The following MGAM variants were observed in gnomAD, a reference collection of about 807,000 sequenced individuals.
The protein encoded by MGAM is alpha-1,4-glucosidase.
In MGAM, 253 loss-of-function variants were observed where a neutral mutation model predicts 358.8. The ratio of observed to expected loss-of-function variants is 0.71; its 90% CI spans 0.64 to 0.78. The LOEUF (loss-of-function observed/expected upper bound fraction) is 0.78. Ranked by LOEUF, MGAM falls within the 30% of genes least tolerant of loss-of-function variation. The probability of loss-of-function intolerance (pLI) is 0.00; values close to 1 mark genes in which losing one functional copy is unlikely to be tolerated. For missense variants in MGAM, 3,080 were observed against 3,432.6 expected, an observed-to-expected ratio of 0.90 and a Z score of 2.57; for synonymous variants, 1,105 against 1,227.1, an observed-to-expected ratio of 0.90 and a Z score of 2.08.
rs757022127 is a variant in MGAM, at chr7:142,040,864, T to A, written c.2498+18T>A. On this transcript the variant is annotated intron_variant, in intron 21 of 70. Coordinates refer to ENST00000475668, the MANE Select transcript of MGAM (RefSeq NM_001365693.1). ...CTGGCCAGGTATAGCATGGCTGGAG[T>A]GTCCTTTCAGAATTCATGTCCTTGC... The A allele has an allele frequency of 2.3e-5, 36 of 1,586,034 alleles. No homozygotes were observed. In the South Asian group the frequency reaches 3.9e-4, roughly 17 times the overall value.
intron 2 of MGAM, among the ~76,000 whole-genome samples, chr7:142,006,666 C>T (rs890448200): frequency 1.3e-5 from 2 of 152,182 alleles, no homozygotes; most frequent in Non-Finnish European, 1.5e-5. Flanking sequence ...ATCTTGATCC[C>T]CACTTGTTTA....
chr7:142,086,116 G>T lies in MGAM; in HGVS notation c.6637-102G>T. ...GGACTCACAGAAACTCTACAGTTCA[G>T]GTAGAAGCCAACAAGTTCGCCCTGG... On this transcript the variant is annotated intron_variant, in intron 55 of 70. Coordinates refer to ENST00000475668, the MANE Select transcript of MGAM (RefSeq NM_001365693.1). The T allele has an allele frequency of 1.4e-6, 2 of 1,428,860 alleles. 1 individual carries two copies. Among genetic ancestry groups the T allele is most frequent in the Non-Finnish European group, 1.9e-6 (2 of 1,044,718 alleles). The allele number at this position is 1,428,860 out of a possible 1,614,324, so 88.5% of individuals were successfully genotyped here. A position where few individuals can be genotyped will look rare whatever the true frequency, so the allele number is the denominator to read the frequency against.
chr7:142,051,252 T>C (rs73153964), intron 24 of MGAM, among the ~76,000 whole-genome samples: 6,994 of 152,108 alleles, frequency 0.046, 400 homozygotes, highest in East Asian at 0.31. Flanking sequence ...GATAGGAAAC[T>C]TGTGGTCAGG....
rs201859670 is a variant in MGAM at position 141,988,445 on chromosome 7, GTC to G, written c.-2-17080_-2-17079del. On this transcript the variant is annotated intron_variant, in intron 2 of 5. Coordinates refer to the MGAM transcript ENST00000465654. The stretch of plus-strand genomic sequence containing the variant: ...AGTGGCGCAATCTGGGCTCACTGCA[GTC>G]TCTGTTTCCCAAGTTCAAGCGATTC... 1.8e-4 allele frequency among the ~76,000 whole-genome samples: 27 copies of G among 152,070 alleles called. No homozygotes were observed. The East Asian group carries it at 3.9e-3, about 22-fold the overall frequency.
rs868695180 is a variant in MGAM, at chr7:142,089,409, G to A, written c.6811-2504G>A. On this transcript the variant is annotated intron_variant, in intron 57 of 70. Coordinates refer to ENST00000475668, the MANE Select transcript of MGAM (RefSeq NM_001365693.1). ...CCCCTGATGAGAAACACTTCATTAG[G>A]GAGTCACAGAATCTGTTAGCTCATA... Among the ~76,000 whole-genome samples, 3 of 146,608 alleles carry A rather than the reference G, an allele frequency of 2.0e-5. 1 individual carries two copies. Among genetic ancestry groups the A allele is most frequent in the Admixed American group, 6.8e-5 (1 of 14,630 alleles).
chr7:142,081,958 G>A, intron 50 of MGAM, 84 bp from the exon 51 acceptor site: 2 of 1,337,108 alleles, frequency 1.5e-6, no homozygotes, highest in South Asian at 1.2e-5. Flanking sequence ...GGAATCAAGT[G>A]TTCTGTTGTC....
rs1230900153 is a variant in MGAM, at chr7:142,023,284, A to C, written c.882+845A>C. Among the ~76,000 whole-genome samples the C allele has an allele frequency of 3.3e-5, 5 of 151,944 alleles. No homozygotes were observed. The East Asian group carries it at 9.7e-4, about 29-fold the overall frequency. On this transcript the variant is annotated intron_variant, in intron 7 of 70. Coordinates refer to ENST00000475668, the MANE Select transcript of MGAM (RefSeq NM_001365693.1). ...TCGCCATGTTGTTCAGGCTGATCTCAAACTCCTGGACTCAAGCAATCCTCT... is the reference window on the plus strand; with the variant it reads ...TCGCCATGTTGTTCAGGCTGATCTCCAACTCCTGGACTCAAGCAATCCTCT...
chr7:142,073,892 G>T (rs1813535094), intron 44 of MGAM, among the ~76,000 whole-genome samples, 193 bp from the exon 45 acceptor site: 1 of 145,868 alleles, frequency 6.9e-6, no homozygotes, highest in South Asian at 2.2e-4. Context: ...TAATGTTTGG[G>T]GTGTTTCTAT....
Position 142,072,203 on chromosome 7 carries a change from G to T in MGAM, c.5186+1085G>T, listed in dbSNP as rs906448431. Among the ~76,000 whole-genome samples the T allele has an allele frequency of 2.3e-4, 33 of 145,512 alleles. 8 individuals carry two copies. The highest frequency in any genetic ancestry group is 4.0e-4 in the Non-Finnish European group (26 of 64,300). ...GGTATTCAAAACCAATCACAACCTG[G>T]TTCCACGTTACCTTAACAACTCTTA... On this transcript the variant is annotated intron_variant, in intron 44 of 70. Transcript: ENST00000475668.
intron 18 of MGAM, 105 bp downstream of exon 18, chr7:142,037,082 A>C (rs1405524608): frequency 1.7e-6 from 2 of 1,163,768 alleles, no homozygotes; most frequent in Non-Finnish European, 2.5e-6. Flanking sequence ...GCAGTTATTC[A>C]TATCTATCTG....
At position 142,045,890 on chromosome 7, in the gene MGAM, A is replaced by G. The variant is rs1305750627; in HGVS notation, c.2499-1895A>G. 2.7e-5 allele frequency among the ~76,000 whole-genome samples: 3 copies of G among 112,048 alleles called. 1 individual carries two copies. The highest frequency in any genetic ancestry group is 5.1e-5 in the Non-Finnish European group (3 of 59,370). 73.5% of individuals were successfully genotyped at this position (112,048 alleles called of 152,430 possible). A position where few individuals can be genotyped will look rare whatever the true frequency, so the allele number is the denominator to read the frequency against. On this transcript the variant is annotated intron_variant, in intron 21 of 70. Transcript: ENST00000475668. ...TATACATACAATATGTAATATATATATTATGTATACATACAATATGTAATA... is the reference window on the plus strand; with the variant it reads ...TATACATACAATATGTAATATATATGTTATGTATACATACAATATGTAATA...
chr7:141,999,903 A>AG (rs1273512475), intron 1 of MGAM, among the ~76,000 whole-genome samples: 1 of 150,178 alleles, frequency 6.7e-6, no homozygotes, highest in African/African-American at 2.5e-5. Context: ...ATAATGCTGG[A>AG]GTTTTTTTTA....
rs6955801 is a variant in MGAM, at chr7:142,092,592, C to T, written c.7017C>T (p.His2339=). 3.3e-3 allele frequency: 5,122 copies of T among 1,542,140 alleles called. 320 individuals carry two copies. The African/African-American group carries it at 0.058, about 17-fold the overall frequency. The change falls in exon 59 of 71, where the codon CAC becomes CAT. Residue 2339 remains histidine (H), a synonymous_variant. Coordinates refer to ENST00000475668, the MANE Select transcript of MGAM (RefSeq NM_001365693.1). ...SPGCRDASLN[H]PPYMPYLESR... ...GCTGCAGGGATGCCTCTCTGAACCA[C>T]CCTCCCTACATGCCGTGTAAGAATC... is the stretch of plus-strand genomic sequence containing the variant.
Position 142,099,619 on chromosome 7 carries a change from G to A in MGAM, c.7756G>A (p.Asp2586Asn). 2.5e-6 allele frequency: 4 copies of A among 1,613,838 alleles called. No individual in the cohort carries two copies. Among genetic ancestry groups the A allele is most frequent in the Middle Eastern group, 1.6e-4 (1 of 6,062 alleles). Residue 2586 changes from aspartate (D) to asparagine (N), a missense_variant, in exon 67 of 71, where the codon GAT becomes AAT. By Grantham distance (23) the Asp-to-Asn change is conservative. Coordinates refer to ENST00000475668, the MANE Select transcript of MGAM (RefSeq NM_001365693.1). ...TACCTTCTTCTGCCTCCAGGGTGTG[G>A]ATATTAATGCAAGAGGAGAGTGGAA... The part of the protein sequence containing the change: ...ARWYDYYTGV[D>N]INARGEWKTL...
At chr7:142,018,508 G>T (rs1484942114) in intron 3 of MGAM, among the ~76,000 whole-genome samples, 2 of 152,228 alleles carry the variant, frequency 1.3e-5, no homozygotes, top group Non-Finnish European at 2.9e-5. Context: ...ATGCACTCAA[G>T]AGGAGAGAGT....
chr7:142,010,740 T>C (rs542838706), intron 3 of MGAM, among the ~76,000 whole-genome samples: 1 of 152,256 alleles, frequency 6.6e-6, no homozygotes, highest in East Asian at 1.9e-4. Flanking sequence ...TTGAGCCAAG[T>C]TCAAACACTG....
At chr7:142,012,121 G>T (rs1805647889) in intron 3 of MGAM, among the ~76,000 whole-genome samples, 1 of 152,138 alleles carries the variant, frequency 6.6e-6, no homozygotes, top group Non-Finnish European at 1.5e-5. Flanking sequence ...TCTATTTGAA[G>T]ATGGGATACT....
rs2272330 is a variant in MGAM at position 142,027,726 on chromosome 7, G to T, written c.1212G>T (p.Gln404His). The T allele has an allele frequency of 0.021, 33,055 of 1,606,434 alleles. 1,308 individuals are homozygous for T. Among genetic ancestry groups the T allele is most frequent in the East Asian group, 0.14 (6,120 of 44,656 alleles). ...REVVERNRAAQLPYDVQHADI... is the reference protein window; with the variant it reads ...REVVERNRAAHLPYDVQHADI... ...TCGTGGAGAGAAATCGCGCAGCACA[G>T]CTCCCTTATGTAAGCAAGGTTTTCA... Residue 404 changes from glutamine (Q) to histidine (H), a missense_variant, in exon 10 of 71, where the codon CAG becomes CAT. Gln to His is a conservative substitution (Grantham distance 24, BLOSUM62 0). Around this residue, in one of 5 missense-constraint regions of MGAM, gnomAD observed 1,816 missense variants for 1,840.5 expected, o/e 0.99. Coordinates refer to ENST00000475668, the MANE Select transcript of MGAM (RefSeq NM_001365693.1).
intron 10 of MGAM, 106 bp downstream of exon 10, chr7:142,027,841 G>A: frequency 8.0e-7 from 1 of 1,244,350 alleles, no homozygotes; most frequent in Non-Finnish European, 1.1e-6. Flanking sequence ...TTATTTATTT[G>A]GTAATGAAAG....
Sources: gnomAD v4.1 joint callset for allele counts (sites outside exome capture counted in the v4.1 genomes callset) on GRCh38, gnomAD v4.1.1 for gene constraint, gnomAD v4.1.1 regional missense constraint, MANE v1.5 for transcripts, NCBI Gene and HGNC (gene_info 2026-07-23, HGNC 2026-07-21) for gene names.